KIF25: variants seen among roughly 807,000 people sequenced by gnomAD.
KIF25 encodes the protein kinesin-like protein KIF25.
A neutral mutation model predicts 32.9 loss-of-function variants in KIF25; 19 were observed. The ratio of observed to expected loss-of-function variants is 0.58; its 90% CI spans 0.40 to 0.85. KIF25 has a LOEUF of 0.85. Ranked by LOEUF, KIF25 falls within the 40% of genes least tolerant of loss-of-function variation. The pLI is 0.00. For missense variants in KIF25, 485 were observed against 507.0 expected, an observed-to-expected ratio of 0.96 and a Z score of 0.42; for synonymous variants, 225 against 213.7, an observed-to-expected ratio of 1.05 and a Z score of -0.46.
At chr6:168,021,381 AGAG>A (rs60012177) in intron 5 of KIF25, among the ~76,000 whole-genome samples, 2,387 of 152,358 alleles carry the variant, frequency 0.016, 129 homozygotes, top group East Asian at 0.13. Context: ...CCGCTGCTTC[AGAG>A]GAGAAGCTCC....
intron 4 of KIF25, among the ~76,000 whole-genome samples, chr6:168,010,384 A>AT (rs1276143038): frequency 1.3e-5 from 2 of 152,144 alleles, no homozygotes; most frequent in African/African-American, 4.8e-5. Flanking sequence ...GCCTTCATCC[A>AT]TTGGTCATTC....
chr6:168,040,373 CTGGCCAACATG>C (rs1377394620), intron 10 of KIF25, among the ~76,000 whole-genome samples, 157 bp downstream of exon 10: 1 of 152,178 alleles, frequency 6.6e-6, no homozygotes, highest in Non-Finnish European at 1.5e-5. Flanking sequence ...TGAGACCAGC[CTGGCCAACATG>C]GTGAAACCCT....
rs189659912 is a variant in KIF25 at position 168,041,039 on chromosome 6, G to A, written c.646+823G>A. On this transcript the variant is annotated intron_variant, in intron 10 of 12. Transcript: ENST00000643607. Reference sequence around the variant, plus strand: ...GGCTGGGACTGGACCCAGAGTGTGCGTTTCTGCAAGGATGCGGCTCCGGGG... The same window carrying A: ...GGCTGGGACTGGACCCAGAGTGTGCATTTCTGCAAGGATGCGGCTCCGGGG... Among the ~76,000 whole-genome samples the A allele has an allele frequency of 1.8e-4, 28 of 152,280 alleles. No individual in the cohort carries two copies. The East Asian group carries it at 2.3e-3, about 13-fold the overall frequency.
rs1055129197 is a variant in KIF25 at position 168,010,760 on chromosome 6, C to T, written c.-163+7057C>T. ...AATATTGTATTGGGGCCTATCTTAC[C>T]CTTTAGATCTAATAATGTTTGCTTT... On this transcript the variant is annotated intron_variant, in intron 4 of 12. Transcript: ENST00000643607. 2.0e-5 allele frequency among the ~76,000 whole-genome samples: 3 copies of T among 151,872 alleles called. No homozygotes were observed. In the East Asian group the frequency reaches 5.8e-4, roughly 29 times the overall value.
chr6:168,025,733 C>T (rs1199646760), intron 5 of KIF25, among the ~76,000 whole-genome samples: 5 of 152,274 alleles, frequency 3.3e-5, no homozygotes, highest in South Asian at 4.2e-4. Flanking sequence ...TGCGCACCTT[C>T]GGGTGCTTAG....
chr6:168,032,092 A>G (rs1199037820), intron 7 of KIF25, among the ~76,000 whole-genome samples: 1 of 152,256 alleles, frequency 6.6e-6, no homozygotes, highest in African/African-American at 2.4e-5. Flanking sequence ...AGCTTCAGAG[A>G]GAACAGAGTG....
chr6:168,030,176 C>T (rs1798920817), intron 6 of KIF25, among the ~76,000 whole-genome samples: 1 of 152,158 alleles, frequency 6.6e-6, no homozygotes, highest in Non-Finnish European at 1.5e-5. Context: ...TGTTTATAGA[C>T]CCAGAACCAC....
chr6:168,032,437 T>G (rs796530319), intron 7 of KIF25, among the ~76,000 whole-genome samples: 9 of 152,364 alleles, frequency 5.9e-5, no homozygotes, highest in African/African-American at 2.2e-4. Flanking sequence ...GGAAGAGACA[T>G]AGCCTATAGT....
At position 168,045,070 on chromosome 6, in the gene KIF25, A is replaced by C; in HGVS notation, c.*74A>C. On this transcript the variant is annotated 3_prime_UTR_variant, in exon 13 of 13. Transcript: ENST00000643607. ...TATAATGCATATGTGCTTAGAAATA[A>C]ACAGGTTTCACGTGGACTCAATAAA... 1 of 1,429,864 alleles carries C rather than the reference A, an allele frequency of 7.0e-7. No individual in the cohort carries two copies. The highest frequency in any genetic ancestry group is 9.4e-7 in the Non-Finnish European group (1 of 1,064,328). The allele number at this position is 1,429,864 out of a possible 1,614,324, so 88.6% of individuals were successfully genotyped here. A position where few individuals can be genotyped will look rare whatever the true frequency, so the allele number is the denominator to read the frequency against.
At chr6:168,035,422 G>A (rs1020840342) in intron 8 of KIF25, among the ~76,000 whole-genome samples, 5 of 111,692 alleles carry the variant, frequency 4.5e-5, no homozygotes, top group African/African-American at 1.7e-4. Context: ...GGGATGCCGG[G>A]GCTGGAACGG....
chr6:168,027,872 T>G (rs528073078), intron 5 of KIF25, among the ~76,000 whole-genome samples: 7 of 152,366 alleles, frequency 4.6e-5, no homozygotes, highest in South Asian at 4.1e-4. Context: ...CTACAAGGAC[T>G]GACCTTTCCC....
intron 4 of KIF25, among the ~76,000 whole-genome samples, chr6:168,010,002 A>G (rs927736047): frequency 6.6e-6 from 1 of 151,674 alleles, no homozygotes; most frequent in Non-Finnish European, 1.5e-5. Flanking sequence ...TTCTTTGTCT[A>G]TTTTAAAAAT....
In KIF25 at chr6:168,038,675, G is replaced by A. The variant is rs767366376; in HGVS notation, c.440G>A (p.Arg147His). The A allele has an allele frequency of 4.3e-6, 7 of 1,614,140 alleles. No homozygotes were observed. The highest frequency in any genetic ancestry group is 2.2e-5 in the East Asian group (1 of 44,882). ...ATTGCAGCAGTGTCGGGGGTCAAGC[G>A]TGAGGTGGTGACAGCCAAGGATGGA... Reference protein sequence around the residue: ...DSIAAVSGVKREVVTAKDGRT... With the variant: ...DSIAAVSGVKHEVVTAKDGRT... Residue 147 changes from arginine (R) to histidine (H), a missense_variant, in exon 9 of 13, where the codon CGT (arginine) becomes CAT (histidine). By Grantham distance (29) the Arg-to-His change is conservative. Transcript: ENST00000643607.
chr6:168,008,779 G>A (rs1427917035), intron 4 of KIF25, among the ~76,000 whole-genome samples: 1 of 151,868 alleles, frequency 6.6e-6, no homozygotes, highest in Non-Finnish European at 1.5e-5. Flanking sequence ...CCTTTTAGAG[G>A]TTTCTCACCT....
chr6:168,013,799 C>T (rs1218077879), intron 4 of KIF25, among the ~76,000 whole-genome samples: 2 of 152,126 alleles, frequency 1.3e-5, no homozygotes, highest in East Asian at 1.9e-4. Flanking sequence ...TGCCTCCCCT[C>T]TGCCTTCCTG....
chr6:168,041,108 T>C (rs2114914064), intron 10 of KIF25, among the ~76,000 whole-genome samples: 1 of 152,346 alleles, frequency 6.6e-6, no homozygotes, highest in South Asian at 2.1e-4. Context: ...AACATGAGAC[T>C]GTAGTCCCAT....
At chr6:168,028,877 G>A (rs896895952) in intron 5 of KIF25, among the ~76,000 whole-genome samples, 5 of 152,172 alleles carry the variant, frequency 3.3e-5, no homozygotes, top group Admixed American at 6.5e-5. Context: ...CTCCCAGCAT[G>A]TCTTCTAACT....
At chr6:168,030,720 A>T in intron 6 of KIF25, 53 bp from the exon 7 acceptor site, 2 of 1,462,180 alleles carry the variant, frequency 1.4e-6, no homozygotes, top group Admixed American at 1.8e-5. Context: ...TCTGCATGCT[A>T]GAGCCGCTTT....
intron 4 of KIF25, among the ~76,000 whole-genome samples, chr6:168,013,905 C>T (rs1405387232): frequency 6.6e-6 from 1 of 152,142 alleles, no homozygotes; most frequent in East Asian, 1.9e-4. Context: ...CCGAGCTCAG[C>T]TGTGTAGTCA....
Sources: allele counts gnomAD v4.1 joint callset (sites outside exome capture counted in the v4.1 genomes callset), GRCh38; gene constraint gnomAD v4.1.1; transcripts MANE v1.5; gene names NCBI Gene and HGNC (gene_info 2026-07-23, HGNC 2026-07-21).